The following ANKRD18B variants were observed in gnomAD, a reference collection of about 807,000 sequenced individuals.
The protein encoded by ANKRD18B is ankyrin repeat domain 18B.
ANKRD18B carries 75 observed loss-of-function variants against 111.8 expected under a neutral mutation model. The ratio of observed to expected loss-of-function variants is 0.67; its 90% CI spans 0.56 to 0.81. The LOEUF (loss-of-function observed/expected upper bound fraction) is 0.81. ANKRD18B is among the 40% of genes least tolerant of loss of function. ANKRD18B has a pLI of 0.00. For synonymous variants in ANKRD18B, 356 were observed against 417.3 expected (o/e 0.85, Z 1.79); for missense variants, 1,038 against 1,225.5 (o/e 0.85, Z 2.28).
At chr9:33,559,173 A>G (rs1042128570) in intron 14 of ANKRD18B, among the ~76,000 whole-genome samples, 1 of 152,170 alleles carries the variant, frequency 6.6e-6, no homozygotes, top group African/African-American at 2.4e-5. Context: ...CAGAGAAAAT[A>G]GAGGGTAAAT....
At chr9:33,531,274 A>G (rs1403847601) in intron 3 of ANKRD18B, among the ~76,000 whole-genome samples, 1 of 152,154 alleles carries the variant, frequency 6.6e-6, no homozygotes, top group Non-Finnish European at 1.5e-5. Context: ...TTATGTATAT[A>G]TCAGGGCCTG....
At chr9:33,539,168 G>T (rs1047503769) in intron 6 of ANKRD18B, among the ~76,000 whole-genome samples, 6 of 152,084 alleles carry the variant, frequency 3.9e-5, no homozygotes, top group Admixed American at 6.6e-5. Flanking sequence ...AAATACAGTT[G>T]GGAGATTGTT....
At chr9:33,529,813 G>T (rs1828084717) in intron 3 of ANKRD18B, among the ~76,000 whole-genome samples, 1 of 152,136 alleles carries the variant, frequency 6.6e-6, no homozygotes, top group Admixed American at 6.5e-5. Flanking sequence ...ATTTTTAGAG[G>T]ACTCTGAGGA....
Position 33,572,505 on chromosome 9 carries a change from C to G in ANKRD18B, c.*71C>G. 2 of 1,393,322 alleles carry G rather than the reference C, an allele frequency of 1.4e-6. No individual in the cohort carries two copies. The highest frequency in any genetic ancestry group is 1.9e-6 in the Non-Finnish European group (2 of 1,058,954). The allele number at this position is 1,393,322 out of a possible 1,614,324, so 86.3% of individuals were successfully genotyped here. A position where few individuals can be genotyped will look rare whatever the true frequency, so the allele number is the denominator to read the frequency against. On this transcript the variant is annotated 3_prime_UTR_variant, in exon 19 of 19. Coordinates refer to ENST00000684830, the MANE Select transcript of ANKRD18B (RefSeq NM_001393611.1). ...TTGTTTCTCATAAAATATAAAACAT[C>G]ACAATCTTTACTAAAGTAGAATATT...
intron 11 of ANKRD18B, 96 bp downstream of exon 11, chr9:33,548,951 T>C: frequency 8.4e-7 from 1 of 1,190,504 alleles, no homozygotes; most frequent in East Asian, 2.7e-5. Flanking sequence ...AATAAATAGA[T>C]GAAAATGTGT....
downstream of ANKRD18B, chr9:33,574,501 A>C (rs1828831155): frequency 2.6e-5 from 4 of 152,652 alleles, no homozygotes; most frequent in Admixed American, 2.6e-4. Context: ...CCAACTTTAC[A>C]CACGACCTGG....
intron 14 of ANKRD18B, among the ~76,000 whole-genome samples, chr9:33,560,366 C>T (rs1828588718): frequency 1.3e-5 from 2 of 152,228 alleles, no homozygotes; most frequent in Non-Finnish European, 2.9e-5. Context: ...TCCACCCCAA[C>T]CCCCCAGTGC....
In ANKRD18B at chr9:33,543,221, A is replaced by G; in HGVS notation, c.1115A>G (p.Glu372Gly). The G allele has an allele frequency of 6.4e-7, 1 of 1,552,934 alleles. No homozygotes were observed. Among genetic ancestry groups the G allele is most frequent in the South Asian group, 1.2e-5 (1 of 84,066 alleles). ...AAAGTGGCTTCAGAGGAAAAGCAAG[A>G]AAGGCTTGAAAGAAGTGAAAATAAA... ...NLKVASEEKQERLERSENKQP... is the reference protein window; with the variant it reads ...NLKVASEEKQGRLERSENKQP... Residue 372 changes from glutamate to glycine, a missense_variant, in exon 10 of 19, where the codon GAA (glutamate) becomes GGA (glycine). Transcript: ENST00000684830.
chr9:33,575,037 C>G (rs913961501), downstream of ANKRD18B, among the ~76,000 whole-genome samples: 4 of 152,212 alleles, frequency 2.6e-5, no homozygotes, highest in Admixed American at 2.0e-4. Flanking sequence ...CTGCTCTCTT[C>G]TCTTCCTCCT....
At chr9:33,532,679 C>T (rs1220361074) in intron 3 of ANKRD18B, among the ~76,000 whole-genome samples, 1 of 152,026 alleles carries the variant, frequency 6.6e-6, no homozygotes, top group Non-Finnish European at 1.5e-5. Context: ...CCTTAGTGGC[C>T]CCTTTGGATC....
At position 33,533,492 on chromosome 9, in the gene ANKRD18B, G is replaced by A. The variant is rs1325065170; in HGVS notation, c.549G>A (p.Val183=). The change falls in exon 4 of 19, where the codon GTG becomes GTA. Residue 183 remains valine (V), a synonymous_variant. Coordinates refer to ENST00000684830, the MANE Select transcript of ANKRD18B (RefSeq NM_001393611.1). The stretch of plus-strand genomic sequence containing the variant: ...TAAATTCCAGGAGACAGCATATGGT[G>A]GAATTTTTATTGAAGAACCAGGCAA... ...FAINSRRQHM[V]EFLLKNQANI... 4.6e-6 allele frequency: 7 copies of A among 1,533,272 alleles called. No homozygotes were observed. Among genetic ancestry groups the A allele is most frequent in the Non-Finnish European group, 5.3e-6 (6 of 1,140,604 alleles). The allele number at this position is 1,533,272 out of a possible 1,614,324, so 95.0% of individuals were successfully genotyped here.
chr9:33,541,010 T>A, intron 8 of ANKRD18B, 137 bp from the exon 9 acceptor site: 1 of 1,030,858 alleles, frequency 9.7e-7, no homozygotes, highest in South Asian at 1.7e-5. Context: ...CACTTTTAAA[T>A]TTGTGGTGAT....
rs142735406 is a variant in ANKRD18B, at chr9:33,548,472, C to T, written c.1684C>T (p.Arg562Cys). The T allele has an allele frequency of 5.1e-5, 79 of 1,551,142 alleles. 1 individual carries two copies. In the East Asian group the frequency reaches 1.5e-3, roughly 30 times the overall value. ...VKFNTLKGKL[R>C]ETRDALREKT... ...GTTCAATACCTTAAAAGGTAAGCTC[C>T]GTGAGACAAGAGATGCTCTCAGGGA... The change falls in exon 11 of 19, where the codon CGT (arginine) becomes TGT (cysteine). Residue 562 changes from arginine to cysteine, a missense_variant. Around this residue, in one of 4 missense-constraint regions of ANKRD18B, gnomAD observed 524 missense variants for 677.9 expected, o/e 0.77. Coordinates refer to ENST00000684830, the MANE Select transcript of ANKRD18B (RefSeq NM_001393611.1).
rs1828798112 is a variant in ANKRD18B at position 33,572,605 on chromosome 9, T to G, written c.*171T>G. On this transcript the variant is annotated 3_prime_UTR_variant, in exon 19 of 19. Coordinates refer to ENST00000684830, the MANE Select transcript of ANKRD18B (RefSeq NM_001393611.1). The stretch of plus-strand genomic sequence containing the variant: ...GCCTCCTTAAGTTTTAAGTGGATCT[T>G]GCAAATGAACACCAGTGTTATTGAG... 19 of 1,248,250 alleles carry G rather than the reference T, an allele frequency of 1.5e-5. No homozygotes were observed. Among genetic ancestry groups the G allele is most frequent in the Non-Finnish European group, 1.9e-5 (19 of 993,548 alleles). 77.3% of individuals were successfully genotyped at this position (1,248,250 alleles called of 1,614,324 possible). A position where few individuals can be genotyped will look rare whatever the true frequency, so the allele number is the denominator to read the frequency against.
intron 13 of ANKRD18B, 106 bp from the exon 14 acceptor site, chr9:33,557,952 T>C (rs141298589): frequency 0.091 from 97,460 of 1,065,310 alleles, 4,588 homozygotes; most frequent in South Asian, 0.1. Context: ...GGATCATAGT[T>C]TATAGATTTG....
intron 1 of ANKRD18B, 50 bp from the exon 2 acceptor site, chr9:33,528,677 G>A: frequency 4.2e-6 from 6 of 1,437,634 alleles, no homozygotes; most frequent in Non-Finnish European, 5.7e-6. Context: ...ACCATTGTAG[G>A]TTTTGAGATA....
intron 14 of ANKRD18B, among the ~76,000 whole-genome samples, chr9:33,562,953 T>C (rs1032772179): frequency 5.9e-5 from 9 of 152,208 alleles, no homozygotes; most frequent in Admixed American, 5.2e-4. Flanking sequence ...TCCAGTTGTT[T>C]TTCAAATCAT....
intron 14 of ANKRD18B, among the ~76,000 whole-genome samples, chr9:33,560,443 C>T (rs901795319): frequency 3.9e-5 from 6 of 152,168 alleles, no homozygotes; most frequent in Non-Finnish European, 5.9e-5. Flanking sequence ...TTATCTGCAC[C>T]GGATGTTTTA....
rs1828700483 is a variant in ANKRD18B, at chr9:33,567,254, A to G, written c.2894A>G (p.Tyr965Cys). Residue 965 changes from tyrosine (Y) to cysteine (C), a missense_variant, in exon 16 of 19, where the codon TAT (tyrosine) becomes TGT (cysteine). Coordinates refer to ENST00000684830, the MANE Select transcript of ANKRD18B (RefSeq NM_001393611.1). ...GATGTTACAACTGAATTAGAAGAGT[A>G]TAAGGAAGCCTTTGCAGTAGCATTG... is the stretch of plus-strand genomic sequence containing the variant. ...YEDVTTELEE[Y>C]KEAFAVALKA... The G allele has an allele frequency of 6.5e-7, 1 of 1,548,952 alleles. No homozygotes were observed. The highest frequency in any genetic ancestry group is 1.4e-5 in the African/African-American group (1 of 72,944).
Sources: gnomAD v4.1 joint callset for allele counts (sites outside exome capture counted in the v4.1 genomes callset) on GRCh38, gnomAD v4.1.1 for gene constraint, gnomAD v4.1.1 regional missense constraint, MANE v1.5 for transcripts, NCBI Gene and HGNC (gene_info 2026-07-23, HGNC 2026-07-21) for gene names.